FHIT: variants seen among roughly 807,000 people sequenced by gnomAD.
FHIT encodes bis(5'-adenosyl)-triphosphatase.
A neutral mutation model predicts 17.9 loss-of-function variants in FHIT; 19 were observed. The observed-to-expected ratio is 1.06, with a 90% CI of 0.74 to 1.56. The LOEUF (loss-of-function observed/expected upper bound fraction) is 1.56. Ranked by LOEUF, FHIT falls within the 40% of genes most tolerant of loss-of-function variation. The pLI is 0.00. For missense variants in FHIT, 248 were observed against 189.2 expected, an observed-to-expected ratio of 1.31 and a Z score of -1.82; for synonymous variants, 81 against 69.7, an observed-to-expected ratio of 1.16 and a Z score of -0.81.
chr3:60,271,242 A>G (rs553183598), intron 5 of FHIT, among the ~76,000 whole-genome samples: 1 of 152,148 alleles, frequency 6.6e-6, no homozygotes, highest in African/African-American at 2.4e-5. Context: ...TCTCCAAAAA[A>G]AACTACAAAA....
chr3:59,977,966 G>A (rs1575804594), intron 7 of FHIT, among the ~76,000 whole-genome samples: 1 of 152,146 alleles, frequency 6.6e-6, no homozygotes, highest in East Asian at 1.9e-4. Flanking sequence ...GAAGTTGTTT[G>A]TGAAGACTCT....
At chr3:60,144,558 G>C (rs1242682850) in intron 5 of FHIT, among the ~76,000 whole-genome samples, 2 of 152,032 alleles carry the variant, frequency 1.3e-5, no homozygotes, top group African/African-American at 4.8e-5. Flanking sequence ...GGTAAGTCTT[G>C]AACATTTTCT....
rs564279260 is a variant in FHIT, at chr3:60,732,529, A to G, written c.-18+89390T>C. The G allele has an allele frequency of 4.0e-5, 26 of 657,890 alleles. No homozygotes were observed. The East Asian group carries it at 8.2e-4, about 21-fold the overall frequency. 40.8% of individuals were successfully genotyped at this position (657,890 alleles called of 1,614,324 possible). A position where few individuals can be genotyped will look rare whatever the true frequency, so the allele number is the denominator to read the frequency against. On this transcript the variant is annotated intron_variant, in intron 4 of 9. Transcript: ENST00000492590. The stretch of plus-strand genomic sequence containing the variant: ...CTTTCTTTCCAGCGCTCAGAGCACG[A>G]AAGTTTTCTGCTGTCTTTGGAACCT...
intron 4 of FHIT, among the ~76,000 whole-genome samples, chr3:60,810,093 A>C (rs1553735640): frequency 6.6e-6 from 1 of 152,202 alleles, no homozygotes; most frequent in Non-Finnish European, 1.5e-5. Flanking sequence ...ACTAAAATCC[A>C]TCTGGAGCTC....
chr3:59,753,927 T>G (rs1701059104), intron 8 of FHIT, among the ~76,000 whole-genome samples: 1 of 152,124 alleles, frequency 6.6e-6, no homozygotes, highest in African/African-American at 2.4e-5. Context: ...ACTGTTCCAC[T>G]CCATTTTGAA....
intron 5 of FHIT, among the ~76,000 whole-genome samples, chr3:60,288,618 G>C (rs200950991): frequency 4.8e-5 from 7 of 146,088 alleles, no homozygotes; most frequent in African/African-American, 7.6e-5. Flanking sequence ...GGGGGGTGTG[G>C]GTGTGTGCAC....
At chr3:61,100,565 G>A (rs549799130) in intron 2 of FHIT, among the ~76,000 whole-genome samples, 1 of 151,980 alleles carries the variant, frequency 6.6e-6, no homozygotes, top group African/African-American at 2.4e-5. Context: ...TAATCCTTTG[G>A]GTATATACCC....
chr3:60,878,493 CT>C (rs138715544), intron 3 of FHIT, among the ~76,000 whole-genome samples: 27 of 151,286 alleles, frequency 1.8e-4, no homozygotes, highest in South Asian at 6.3e-4. Flanking sequence ...TACCATACCC[CT>C]TTTTTTTTAA....
At chr3:60,270,876 TGCACA>T (rs1706825957) in intron 5 of FHIT, among the ~76,000 whole-genome samples, 1 of 152,162 alleles carries the variant, frequency 6.6e-6, no homozygotes, top group Non-Finnish European at 1.5e-5. Flanking sequence ...TAAAACACAG[TGCACA>T]GCAGACTGAC....
At chr3:59,855,647 A>G (rs542831682) in intron 8 of FHIT, among the ~76,000 whole-genome samples, 1 of 152,352 alleles carries the variant, frequency 6.6e-6, no homozygotes, top group South Asian at 2.1e-4. Flanking sequence ...ACTGAACAAA[A>G]TAAGTTCATA....
At chr3:60,363,797 T>C (rs1382585701) in intron 5 of FHIT, among the ~76,000 whole-genome samples, 2 of 152,144 alleles carry the variant, frequency 1.3e-5, no homozygotes, top group Non-Finnish European at 2.9e-5. Flanking sequence ...TGTGATAGAC[T>C]CCAGGCAGGA....
chr3:61,074,393 A>G (rs2106751772), intron 2 of FHIT, among the ~76,000 whole-genome samples: 1 of 152,356 alleles, frequency 6.6e-6, no homozygotes, highest in South Asian at 2.1e-4. Flanking sequence ...GCATTACGGC[A>G]GAGGTTGAAC....
intron 2 of FHIT, among the ~76,000 whole-genome samples, chr3:61,043,346 G>A (rs2033620223): frequency 6.6e-6 from 1 of 151,908 alleles, no homozygotes; most frequent in South Asian, 2.1e-4. Context: ...TAGCTCGGAG[G>A]GTCCCACGCC....
At chr3:60,134,727 A>C (rs1699741616) in intron 5 of FHIT, among the ~76,000 whole-genome samples, 1 of 152,184 alleles carries the variant, frequency 6.6e-6, no homozygotes, top group Non-Finnish European at 1.5e-5. Flanking sequence ...ATGCTCCTCC[A>C]AACATGGAAT....
chr3:59,946,987 T>C (rs1575744444), intron 7 of FHIT, among the ~76,000 whole-genome samples: 2 of 152,180 alleles, frequency 1.3e-5, no homozygotes, highest in South Asian at 4.1e-4. Context: ...TTTTATTGTG[T>C]CTCTGCCAGA....
intron 5 of FHIT, among the ~76,000 whole-genome samples, chr3:60,503,966 A>G (rs1358244522): frequency 6.6e-6 from 1 of 152,208 alleles, no homozygotes; most frequent in African/African-American, 2.4e-5. Flanking sequence ...ATTTTAAGAA[A>G]GAGCAAATAA....
At chr3:60,667,844 T>C (rs2107836759) in intron 4 of FHIT, among the ~76,000 whole-genome samples, 1 of 152,210 alleles carries the variant, frequency 6.6e-6, no homozygotes, top group Admixed American at 6.5e-5. Context: ...TTTGAGGTGT[T>C]ATTTTGTTCT....
chr3:61,144,609 A>G (rs2037176297), intron 2 of FHIT, among the ~76,000 whole-genome samples: 3 of 152,196 alleles, frequency 2.0e-5, no homozygotes, highest in South Asian at 4.1e-4. Flanking sequence ...TAACATTTTG[A>G]AGAACTGTCA....
intron 1 of FHIT, among the ~76,000 whole-genome samples, chr3:61,215,349 C>T (rs993256197): frequency 6.6e-6 from 1 of 152,076 alleles, no homozygotes; most frequent in African/African-American, 2.4e-5. Context: ...AAATCACAAG[C>T]ATTCTTATAC....
Sources: gnomAD v4.1 joint callset for allele counts (sites outside exome capture counted in the v4.1 genomes callset) on GRCh38, gnomAD v4.1.1 for gene constraint, MANE v1.5 for transcripts, NCBI Gene and HGNC (gene_info 2026-07-23, HGNC 2026-07-21) for gene names.